Variants in CDH13 observed in about 807,000 individuals in gnomAD.
The protein encoded by CDH13 is cadherin 13.
In CDH13, 24 loss-of-function variants were observed where a neutral mutation model predicts 63.8. The observed-to-expected ratio is 0.38, with a 90% confidence interval of 0.27 to 0.53. The LOEUF is 0.53. Among genes scored for constraint, CDH13 ranks in the 20% least tolerant of loss-of-function variants. The pLI is 0.85. For missense variants in CDH13, 1,049 were observed against 903.1 expected (o/e 1.16, Z -2.07); for synonymous variants, 503 against 355.3 (o/e 1.42, Z -4.67).
intron 1 of CDH13, among the ~76,000 whole-genome samples, chr16:82,733,968 G>T (rs1022439232): frequency 6.6e-6 from 1 of 152,226 alleles, no homozygotes; most frequent in African/African-American, 2.4e-5. Flanking sequence ...GAAAAGAGAG[G>T]ATGACAGAAC....
At chr16:83,504,036 G>A (rs2074342887) in intron 7 of CDH13, among the ~76,000 whole-genome samples, 1 of 152,152 alleles carries the variant, frequency 6.6e-6, no homozygotes, top group Non-Finnish European at 1.5e-5. Context: ...ATGGGTTGAT[G>A]GGTGCAGCAA....
At chr16:83,262,187 C>T (rs1477818582) in intron 5 of CDH13, among the ~76,000 whole-genome samples, 1 of 152,158 alleles carries the variant, frequency 6.6e-6, no homozygotes, top group Admixed American at 6.5e-5. Context: ...ACAGCAGGCA[C>T]CCCTGGAGAC....
chr16:83,603,143 G>A (rs1453538808), intron 8 of CDH13, among the ~76,000 whole-genome samples: 1 of 152,192 alleles, frequency 6.6e-6, no homozygotes, highest in Non-Finnish European at 1.5e-5. Context: ...TTCCAAGGGA[G>A]CGATGTTTGG....
At chr16:82,705,277 G>A (rs1285230358) in intron 1 of CDH13, 2 of 403,972 alleles carry the variant, frequency 5.0e-6, no homozygotes, top group Non-Finnish European at 9.7e-6. Context: ...TTGGACAGGT[G>A]AGATGTCCAA....
intron 1 of CDH13, among the ~76,000 whole-genome samples, chr16:82,795,282 T>C (rs2036526862): frequency 6.6e-6 from 1 of 152,134 alleles, no homozygotes; most frequent in South Asian, 2.1e-4. Flanking sequence ...AAATCAAGGG[T>C]GCTGAGTAAA....
At chr16:82,994,809 C>T (rs1912027216) in intron 2 of CDH13, among the ~76,000 whole-genome samples, 2 of 152,150 alleles carry the variant, frequency 1.3e-5, no homozygotes. Flanking sequence ...TTGTGAAATA[C>T]TGAAGGATTT....
At chr16:83,728,094 G>T (rs56376327) in intron 10 of CDH13, among the ~76,000 whole-genome samples, 2 of 152,168 alleles carry the variant, frequency 1.3e-5, no homozygotes, top group South Asian at 4.1e-4. Context: ...ATACTCAGAT[G>T]TGGACAGCAG....
intron 1 of CDH13, among the ~76,000 whole-genome samples, chr16:82,856,940 A>T (rs1296141494): frequency 6.6e-6 from 1 of 152,182 alleles, no homozygotes; most frequent in East Asian, 1.9e-4. Flanking sequence ...ACCATTCCCC[A>T]TCAGTTATTG....
At chr16:82,637,948 A>G (rs922929368) in intron 1 of CDH13, among the ~76,000 whole-genome samples, 1 of 152,230 alleles carries the variant, frequency 6.6e-6, no homozygotes, top group Non-Finnish European at 1.5e-5. Context: ...CATGGAGCTT[A>G]CAGTTTTGTG....
chr16:83,090,657 C>A (rs930138660), intron 3 of CDH13, among the ~76,000 whole-genome samples: 3 of 152,002 alleles, frequency 2.0e-5, no homozygotes, highest in Non-Finnish European at 4.4e-5. Context: ...AGGCTCTGCA[C>A]TCTCGGTAAT....
chr16:83,336,738 A>G (rs892100537), intron 5 of CDH13, among the ~76,000 whole-genome samples: 2 of 152,226 alleles, frequency 1.3e-5, no homozygotes, highest in Admixed American at 6.5e-5. Context: ...ACTGTTTTCT[A>G]AATCATTTCT....
chr16:82,789,048 C>T (rs1746663536), intron 1 of CDH13, among the ~76,000 whole-genome samples: 1 of 152,162 alleles, frequency 6.6e-6, no homozygotes, highest in Non-Finnish European at 1.5e-5. Flanking sequence ...CTGATTGTTT[C>T]TTGTTATACC....
intron 1 of CDH13, among the ~76,000 whole-genome samples, chr16:82,694,607 C>G (rs2030031748): frequency 6.6e-6 from 1 of 152,162 alleles, no homozygotes; most frequent in Non-Finnish European, 1.5e-5. Context: ...TCTGTTAATA[C>G]TCAGCTTTTT....
At chr16:83,387,780 C>T (rs2091703623) in intron 6 of CDH13, among the ~76,000 whole-genome samples, 1 of 152,222 alleles carries the variant, frequency 6.6e-6, no homozygotes, top group African/African-American at 2.4e-5. Context: ...TAGGATGCCA[C>T]TGGCTCCTAC....
intron 2 of CDH13, among the ~76,000 whole-genome samples, chr16:82,895,762 A>G (rs910937429): frequency 6.6e-6 from 1 of 151,590 alleles, no homozygotes; most frequent in Non-Finnish European, 1.5e-5. Flanking sequence ...AACCATTTGT[A>G]CAGCCAATGA....
chr16:83,720,811 A>G (rs1283215146), intron 10 of CDH13, among the ~76,000 whole-genome samples: 4 of 152,208 alleles, frequency 2.6e-5, no homozygotes, highest in African/African-American at 9.6e-5. Context: ...GGTAAGCCCC[A>G]TGGGGCCTTG....
chr16:83,185,332 G>T (rs2038486592), intron 4 of CDH13, among the ~76,000 whole-genome samples: 1 of 152,262 alleles, frequency 6.6e-6, no homozygotes, highest in Non-Finnish European at 1.5e-5. Flanking sequence ...TGAGGATAAA[G>T]CACCTGACCT....
At chr16:82,870,669 G>T (rs914197766) in intron 2 of CDH13, among the ~76,000 whole-genome samples, 1 of 151,974 alleles carries the variant, frequency 6.6e-6, no homozygotes. Flanking sequence ...AAATGATAAA[G>T]GTCTGAAGTG....
intron 8 of CDH13, among the ~76,000 whole-genome samples, chr16:83,653,038 A>G (rs1912535345): frequency 1.3e-5 from 2 of 152,184 alleles, no homozygotes; most frequent in South Asian, 2.1e-4. Flanking sequence ...TCAGTGAAAA[A>G]AGTCAGACAG....
Sources: gnomAD v4.1 joint callset for allele counts (sites outside exome capture counted in the v4.1 genomes callset) on GRCh38, gnomAD v4.1.1 for gene constraint, MANE v1.5 for transcripts, NCBI Gene and HGNC (gene_info 2026-07-23, HGNC 2026-07-21) for gene names.